Variants in CLCN6 observed in about 807,000 individuals in gnomAD.
The protein encoded by CLCN6 is H(+)/Cl(-) exchange transporter 6.
In CLCN6, 70 loss-of-function variants were observed where a neutral mutation model predicts 109.8. That is an observed-to-expected ratio of 0.64 (90% confidence interval 0.53 to 0.78). The LOEUF is 0.78. CLCN6 is among the 30% of genes least tolerant of loss of function. The pLI is 0.00. For synonymous variants in CLCN6, 444 were observed against 447.8 expected, an observed-to-expected ratio of 0.99 and a Z score of 0.11; for missense variants, 984 against 1,142.3, an observed-to-expected ratio of 0.86 and a Z score of 2.00.
chr1:11,817,412 A>G (rs1352893211), intron 4 of CLCN6, among the ~76,000 whole-genome samples: 2 of 152,202 alleles, frequency 1.3e-5, no homozygotes, highest in Non-Finnish European at 2.9e-5. Flanking sequence ...CGTTAATGTT[A>G]TCTAGAAGAT....
intron 13 of CLCN6, among the ~76,000 whole-genome samples, chr1:11,830,562 G>A (rs972767076): frequency 1.3e-5 from 2 of 151,568 alleles, no homozygotes; most frequent in African/African-American, 2.4e-5. Context: ...TGGGACTTGA[G>A]CATCCCTGGA....
At chr1:11,824,985 C>T (rs1644793723) in intron 8 of CLCN6, among the ~76,000 whole-genome samples, 1 of 152,140 alleles carries the variant, frequency 6.6e-6, no homozygotes, top group African/African-American at 2.4e-5. Flanking sequence ...GGTCTGTGTG[C>T]CAGACGCCAT....
At position 11,840,331 on chromosome 1, in the gene CLCN6, C is replaced by A; in HGVS notation, c.*108C>A. The A allele has an allele frequency of 1.0e-6, 1 of 975,960 alleles. No homozygotes were observed. Among genetic ancestry groups the A allele is most frequent in the Non-Finnish European group, 1.6e-6 (1 of 615,116 alleles). The allele number at this position is 975,960 out of a possible 1,614,324, so 60.5% of individuals were successfully genotyped here. ...CGGGGCATGGAAGATTCCCAGTCACCCACTCACTCAGAAAGCCGGGAGTCA... is the reference window on the plus strand; with the variant it reads ...CGGGGCATGGAAGATTCCCAGTCACACACTCACTCAGAAAGCCGGGAGTCA... On this transcript the variant is annotated 3_prime_UTR_variant, in exon 23 of 23. Transcript: ENST00000346436.
intron 2 of CLCN6, among the ~76,000 whole-genome samples, chr1:11,808,682 CTTTT>C (rs35849926): frequency 7.3e-6 from 1 of 136,316 alleles, no homozygotes. Context: ...CTTCCTTCAT[CTTTT>C]TTTTTTTTTT....
chr1:11,815,465 G>A (rs1438959054), intron 2 of CLCN6, among the ~76,000 whole-genome samples: 3 of 151,954 alleles, frequency 2.0e-5, no homozygotes. Context: ...GTGCGATCTC[G>A]GCTCACCACA....
chr1:11,812,831 T>C (rs1212483928), intron 2 of CLCN6, among the ~76,000 whole-genome samples: 1 of 152,074 alleles, frequency 6.6e-6, no homozygotes, highest in African/African-American at 2.4e-5. Context: ...CGTTCCCTTA[T>C]CTACCTAGAA....
rs1327948941 is a variant in CLCN6, at chr1:11,822,736, C to G, written c.388C>G (p.Leu130Val). ...CCAGAAAGGCTGCCTCGCTCTGTCT[C>G]TCCTTGAACTCCTGGGTTTTAACCT... is the stretch of plus-strand genomic sequence containing the variant. ...CSQKGCLALSLLELLGFNLTF... is the reference protein window; with the variant it reads ...CSQKGCLALSVLELLGFNLTF... The change falls in exon 6 of 23, where the codon CTC (leucine) becomes GTC (valine). Residue 130 changes from leucine (L) to valine (V), a missense_variant. Leu to Val is a conservative substitution (Grantham distance 32). Coordinates refer to ENST00000346436, the MANE Select transcript of CLCN6 (RefSeq NM_001286.5). 2.5e-6 allele frequency: 4 copies of G among 1,614,034 alleles called. No homozygotes were observed. Among genetic ancestry groups the G allele is most frequent in the Admixed American group, 1.7e-5 (1 of 60,010 alleles).
rs1247264528 is a variant in CLCN6 at position 11,819,504 on chromosome 1, A to C, written c.296A>C (p.Asp99Ala). ...VCTGLVGLFV[D>A]FFVRLFTQLK... Reference sequence around the variant, plus strand: ...TCTTCACAGGTGGGTCTCTTTGTGGACTTTTTTGTGCGACTCTTCACCCAA... The same window carrying C: ...TCTTCACAGGTGGGTCTCTTTGTGGCCTTTTTTGTGCGACTCTTCACCCAA... Residue 99 changes from aspartate (D) to alanine (A), a missense_variant, in exon 5 of 23, where the codon GAC becomes GCC. Coordinates refer to ENST00000346436, the MANE Select transcript of CLCN6 (RefSeq NM_001286.5). The C allele has an allele frequency of 6.2e-7, 1 of 1,614,070 alleles. No homozygotes were observed.
chr1:11,834,122 G>A lies in CLCN6; in HGVS notation c.1526+92G>A, dbSNP rs750765283. On this transcript the variant is annotated intron_variant, in intron 15 of 22. Coordinates refer to ENST00000346436, the MANE Select transcript of CLCN6 (RefSeq NM_001286.5). The surrounding 1 kb of genome is among the most constrained non-coding windows in gnomAD (Gnocchi z 4.5). ...TGTGTGCGTGTGCGTGCGTTGATGTGTCTGTGCCCATGCATGCACATATGT... is the reference window on the plus strand; with the variant it reads ...TGTGTGCGTGTGCGTGCGTTGATGTATCTGTGCCCATGCATGCACATATGT... The A allele has an allele frequency of 3.1e-6, 5 of 1,592,666 alleles. No individual in the cohort carries two copies. The highest frequency in any genetic ancestry group is 4.3e-6 in the Non-Finnish European group (5 of 1,169,660).
chr1:11,813,579 C>G (rs574112644), intron 2 of CLCN6, among the ~76,000 whole-genome samples: 1 of 152,034 alleles, frequency 6.6e-6, no homozygotes, highest in Non-Finnish European at 1.5e-5. Context: ...TTGGTAGAGA[C>G]GGGGTTTCGC....
intron 2 of CLCN6, among the ~76,000 whole-genome samples, chr1:11,808,097 T>G (rs1644545252): frequency 6.6e-6 from 1 of 152,220 alleles, no homozygotes; most frequent in Admixed American, 6.5e-5. Context: ...AATAATCTGT[T>G]GAAACCCCTT....
rs1644966456 is a variant in CLCN6 at position 11,837,553 on chromosome 1, G to A, written c.2295+54G>A. On this transcript the variant is annotated intron_variant, in intron 20 of 22. Transcript: ENST00000346436. ...AGGCCAGACCTGACGAAGCTCGAGGGGTTGGGCGCTGCCGGCGGGCCGTGA... is the reference window on the plus strand; with the variant it reads ...AGGCCAGACCTGACGAAGCTCGAGGAGTTGGGCGCTGCCGGCGGGCCGTGA... The A allele has an allele frequency of 5.1e-6, 8 of 1,574,050 alleles. No individual in the cohort carries two copies. In the East Asian group the frequency reaches 1.1e-4, roughly 22 times the overall value.
chr1:11,820,323 G>T, intron 5 of CLCN6: 1 of 710,624 alleles, frequency 1.4e-6, no homozygotes, highest in South Asian at 1.5e-5. Context: ...TGATCCATAT[G>T]GAAAAATAGT....
Position 11,833,631 on chromosome 1 carries a change from C to T in CLCN6, c.1365C>T (p.His455=), listed in dbSNP as rs777313708. Residue 455 remains histidine (H), a synonymous_variant, in exon 14 of 23, where the codon CAC becomes CAT. Transcript: ENST00000346436. ...AGTCTGCCATCCTCCAGCTCTTCCACCAGGATGGTGAGTGTCTGCACTGCA... is the reference window on the plus strand; with the variant it reads ...AGTCTGCCATCCTCCAGCTCTTCCATCAGGATGGTGAGTGTCTGCACTGCA... ...PQESAILQLF[H]QDGTFSPVTL... is the part of the protein sequence containing the mutation. 2.5e-6 allele frequency: 4 copies of T among 1,613,648 alleles called. No homozygotes were observed. The South Asian group carries it at 3.3e-5, about 13-fold the overall frequency.
At chr1:11,825,024 A>G (rs1349385003) in intron 8 of CLCN6, among the ~76,000 whole-genome samples, 3 of 152,110 alleles carry the variant, frequency 2.0e-5, no homozygotes, top group Admixed American at 1.3e-4. Context: ...CCTTATAGCC[A>G]CCTTCAATGA....
rs1570527819 is a variant in CLCN6, at chr1:11,823,973, T to G, written c.580+140T>G. 4 of 1,010,882 alleles carry G rather than the reference T, an allele frequency of 4.0e-6. No homozygotes were observed. In the East Asian group the frequency reaches 1.0e-4, roughly 26 times the overall value. The allele number at this position is 1,010,882 out of a possible 1,614,324, so 62.6% of individuals were successfully genotyped here. ...GTCTGCACTTTTTGTTGATGGGCTG[T>G]TTTTAAATGCAGACACTGTTCGTAT... On this transcript the variant is annotated intron_variant, in intron 7 of 22. Transcript: ENST00000346436.
At chr1:11,809,274 T>A (rs1644565772) in intron 2 of CLCN6, among the ~76,000 whole-genome samples, 1 of 152,192 alleles carries the variant, frequency 6.6e-6, no homozygotes, top group South Asian at 2.1e-4. Context: ...CTGAACCCTG[T>A]TACATCATCC....
rs190944072 is a variant in CLCN6, at chr1:11,837,829, A to G, written c.2295+330A>G. 2.1e-4 allele frequency among the ~76,000 whole-genome samples: 32 copies of G among 152,150 alleles called. No individual in the cohort carries two copies. The East Asian group carries it at 5.1e-3, about 24-fold the overall frequency. ...TGTGAACACAGCCCCCATCCTCGCCACTGTCATCACACGGCGTTCTCCTGT... is the reference window on the plus strand; with the variant it reads ...TGTGAACACAGCCCCCATCCTCGCCGCTGTCATCACACGGCGTTCTCCTGT... On this transcript the variant is annotated intron_variant, in intron 20 of 22. Coordinates refer to ENST00000346436, the MANE Select transcript of CLCN6 (RefSeq NM_001286.5).
rs763509621 is a variant in CLCN6 at position 11,833,648 on chromosome 1, T to C, written c.1372+10T>C. On this transcript the variant is annotated intron_variant, in intron 14 of 22. Transcript: ENST00000346436. ...CTCTTCCACCAGGATGGTGAGTGTC[T>C]GCACTGCAGCCCAATCGTGGGTGAT... 4 of 1,613,114 alleles carry C rather than the reference T, an allele frequency of 2.5e-6. No homozygotes were observed. The East Asian group carries it at 8.9e-5, about 36-fold the overall frequency.
Sources: allele counts gnomAD v4.1 joint callset (sites outside exome capture counted in the v4.1 genomes callset), GRCh38; gene constraint gnomAD v4.1.1; non-coding constraint Gnocchi (gnomAD v3.1); transcripts MANE v1.5; gene names NCBI Gene and HGNC (gene_info 2026-07-23, HGNC 2026-07-21).